The following OXTR variants were observed in gnomAD, a reference collection of about 807,000 sequenced individuals.
The protein encoded by OXTR is oxytocin receptor.
In OXTR, 19 loss-of-function variants were observed where a neutral mutation model predicts 23.9. The ratio of observed to expected loss-of-function variants is 0.80; its 90% CI spans 0.56 to 1.17. The LOEUF (loss-of-function observed/expected upper bound fraction) is 1.17. Ranked by LOEUF, OXTR falls within the 50% of genes most tolerant of loss-of-function variation. OXTR has a pLI of 0.00. For synonymous variants in OXTR, 278 were observed against 250.5 expected, an observed-to-expected ratio of 1.11 and a Z score of -1.04; for missense variants, 500 against 550.7, an observed-to-expected ratio of 0.91 and a Z score of 0.92.
chr3:8,768,554 C>T lies in OXTR; in HGVS notation c.-201G>A, dbSNP rs1708692523. 5.1e-6 allele frequency: 1 copy of T among 194,220 alleles called. No individual in the cohort carries two copies. Among genetic ancestry groups the T allele is most frequent in the Non-Finnish European group, 1.0e-5 (1 of 96,432 alleles). The allele number at this position is 194,220 out of a possible 1,614,324, so 12.0% of individuals were successfully genotyped here. A position where few individuals can be genotyped will look rare whatever the true frequency, so the allele number is the denominator to read the frequency against. ...TCTACCGGCCACAAGCCCAGAGCCC[C>T]CAGCGTGCCAGTTCCTCGGGATGTT... is the stretch of plus-strand genomic sequence containing the variant. On this transcript the variant is annotated 5_prime_UTR_variant, in exon 2 of 4. Transcript: ENST00000316793. The surrounding 1 kb of genome is among the most constrained non-coding windows in gnomAD (Gnocchi z 5.4).
chr3:8,756,650 C>T (rs1329218610), intron 3 of OXTR, among the ~76,000 whole-genome samples: 1 of 152,198 alleles, frequency 6.6e-6, no homozygotes, highest in Non-Finnish European at 1.5e-5. Context: ...GCTGTGGTGC[C>T]CCCTGAGTAC....
At chr3:8,758,889 T>A (rs1189828306) in intron 3 of OXTR, among the ~76,000 whole-genome samples, 1 of 152,178 alleles carries the variant, frequency 6.6e-6, no homozygotes, top group African/African-American at 2.4e-5. Context: ...AGGCCCTCCA[T>A]CCAATCTGGG....
intron 3 of OXTR, among the ~76,000 whole-genome samples, chr3:8,753,964 C>G (rs1043726670): frequency 3.3e-5 from 5 of 152,092 alleles, no homozygotes; most frequent in African/African-American, 1.2e-4. Context: ...CCAGGCAGAG[C>G]AGGGAAGAAA....
At position 8,767,708 on chromosome 3, in the gene OXTR, C is replaced by G. The variant is rs201448457; in HGVS notation, c.480G>C (p.Thr160=). The G allele has an allele frequency of 1.2e-6, 2 of 1,609,620 alleles. No homozygotes were observed. The highest frequency in any genetic ancestry group is 3.3e-5 in the Admixed American group (2 of 59,726). ...CGCTGGCCACCAGGCAGCCGAGCCA[C>G]GTGGCGAGCACTGCCAGGCGGTCGG... ...RRTDRLAVLA[T]WLGCLVASAP... Residue 160 remains threonine, a synonymous_variant, in exon 3 of 4, where the codon ACG becomes ACC. Coordinates refer to ENST00000316793, the MANE Select transcript of OXTR (RefSeq NM_000916.4).
intron 3 of OXTR, 103 bp downstream of exon 3, chr3:8,767,163 T>TC (rs1418720111): frequency 1.7e-6 from 2 of 1,166,392 alleles, no homozygotes; most frequent in Non-Finnish European, 2.3e-6. Flanking sequence ...AACCCGCTTA[T>TC]CCCCCAGGAA....
At chr3:8,760,982 T>A (rs58102519) in intron 3 of OXTR, among the ~76,000 whole-genome samples, 1 of 152,158 alleles carries the variant, frequency 6.6e-6, no homozygotes, top group Non-Finnish European at 1.5e-5. Flanking sequence ...TTTGGCAATG[T>A]CTGGAGACAG....
intron 3 of OXTR, among the ~76,000 whole-genome samples, chr3:8,764,801 G>A (rs1033610257): frequency 3.3e-5 from 5 of 152,164 alleles, no homozygotes; most frequent in Admixed American, 2.0e-4. Context: ...TTGGGGCAGC[G>A]GGGAGGTCCC....
At position 8,768,010 on chromosome 3, in the gene OXTR, C is replaced by T; in HGVS notation, c.178G>A (p.Val60Met). The change falls in exon 3 of 4, where the codon GTG becomes ATG. Residue 60 changes from valine to methionine, a missense_variant. Coordinates refer to ENST00000316793, the MANE Select transcript of OXTR (RefSeq NM_000916.4). The surrounding 1 kb of genome is among the most constrained non-coding windows in gnomAD (Gnocchi z 5.4). ...LLLALSGNAC[V>M]LLALRTTRQK... ...CGTGTGGTGCGCAGCGCCAGCAGCA[C>T]ACACGCGTTCCCGCTCAGCGCCAGG... is the stretch of plus-strand genomic sequence containing the variant. 1 of 1,609,398 alleles carries T rather than the reference C, an allele frequency of 6.2e-7. No individual in the cohort carries two copies. The highest frequency in any genetic ancestry group is 1.7e-5 in the Admixed American group (1 of 59,656).
intron 3 of OXTR, among the ~76,000 whole-genome samples, chr3:8,754,633 C>T (rs1221109062): frequency 1.3e-5 from 2 of 152,160 alleles, no homozygotes; most frequent in African/African-American, 4.8e-5. Flanking sequence ...TCTTCAAGCA[C>T]CAAGGGAAGA....
chr3:8,763,822 T>A (rs1453759294), intron 3 of OXTR, among the ~76,000 whole-genome samples: 1 of 152,210 alleles, frequency 6.6e-6, no homozygotes, highest in African/African-American at 2.4e-5. Flanking sequence ...TCTTTGGTTC[T>A]TATAACAACT....
chr3:8,769,449 G>A lies in OXTR; in HGVS notation c.-457C>T, dbSNP rs1449570146. 4 of 152,434 alleles carry A rather than the reference G, an allele frequency of 2.6e-5. No homozygotes were observed. Among genetic ancestry groups the A allele is most frequent in the African/African-American group, 9.6e-5 (4 of 41,592 alleles). 9.4% of individuals were successfully genotyped at this position (152,434 alleles called of 1,614,324 possible). A position where few individuals can be genotyped will look rare whatever the true frequency, so the allele number is the denominator to read the frequency against. ...TGGATGGGTACAGGAGGCGAGCGAGGAGCGCCTCCCAGGCTGCGCGCGCGG... is the reference window on the plus strand; with the variant it reads ...TGGATGGGTACAGGAGGCGAGCGAGAAGCGCCTCCCAGGCTGCGCGCGCGG... On this transcript the variant is annotated 5_prime_UTR_variant, in exon 1 of 4. Coordinates refer to ENST00000316793, the MANE Select transcript of OXTR (RefSeq NM_000916.4).
chr3:8,748,914 A>G (rs1407222078), downstream of OXTR, among the ~76,000 whole-genome samples: 2 of 152,236 alleles, frequency 1.3e-5, no homozygotes, highest in Non-Finnish European at 2.9e-5. Context: ...TAAAGAAATA[A>G]GCCTCAGAGT....
chr3:8,766,856 C>G lies in OXTR; in HGVS notation c.922+410G>C, dbSNP rs558039339. On this transcript the variant is annotated intron_variant, in intron 3 of 3. Transcript: ENST00000316793. ...GAACTTAAAGTTGAAGGAGCTTGAG[C>G]TTGGCCAGGGGTTCCAAACTTACCT... 2.0e-5 allele frequency among the ~76,000 whole-genome samples: 3 copies of G among 152,302 alleles called. No individual in the cohort carries two copies. The South Asian group carries it at 6.2e-4, about 32-fold the overall frequency.
At chr3:8,749,541 C>T (rs34955659), downstream of OXTR, among the ~76,000 whole-genome samples, 4,295 of 152,254 alleles carry the variant, frequency 0.028, 87 homozygotes, top group Non-Finnish European at 0.045. Flanking sequence ...CCCACTGCTG[C>T]TGCATTTGCA....
chr3:8,743,355 A>C, the OXTR span, among the ~76,000 whole-genome samples: 186 of 152,118 alleles, frequency 1.2e-3, 3 homozygotes, highest in African/African-American at 4.4e-3. Flanking sequence ...AGTGAATATG[A>C]CTTTTCCATC....
chr3:8,741,457 T>C, the OXTR span, among the ~76,000 whole-genome samples: 1 of 152,172 alleles, frequency 6.6e-6, no homozygotes, highest in Non-Finnish European at 1.5e-5. Context: ...TGGCAAAAGC[T>C]AAGCCTCTCA....
chr3:8,742,948 G>A, the OXTR span, among the ~76,000 whole-genome samples: 1 of 152,198 alleles, frequency 6.6e-6, no homozygotes, highest in Non-Finnish European at 1.5e-5. Flanking sequence ...GAAGCATGGT[G>A]CAGGCATCTG....
chr3:8,743,362 C>A, the OXTR span, among the ~76,000 whole-genome samples: 2 of 152,074 alleles, frequency 1.3e-5, no homozygotes, highest in African/African-American at 4.8e-5. Flanking sequence ...ATGACTTTTC[C>A]ATCCCTGTTC....
At position 8,768,154 on chromosome 3, in the gene OXTR, C is replaced by G. The variant is rs953558316; in HGVS notation, c.34G>C (p.Glu12Gln). Residue 12 changes from glutamate (E) to glutamine (Q), a missense_variant, in exon 3 of 4, where the codon GAG becomes CAG. Transcript: ENST00000316793. The surrounding 1 kb of genome is among the most constrained non-coding windows in gnomAD (Gnocchi z 5.4). ...GGCGCGGCGCTGGCGTTGGCTGCCT[C>G]GGCGCTCCAGTTGGCTGCGAGCGCG... is the stretch of plus-strand genomic sequence containing the variant. ...EGALAANWSAEAANASAAPPG... is the reference protein window; with the variant it reads ...EGALAANWSAQAANASAAPPG... 3 of 1,335,708 alleles carry G rather than the reference C, an allele frequency of 2.2e-6. No homozygotes were observed. The highest frequency in any genetic ancestry group is 1.5e-5 in the African/African-American group (1 of 64,832). The allele number at this position is 1,335,708 out of a possible 1,614,324, so 82.7% of individuals were successfully genotyped here.
Sources: gnomAD v4.1 joint callset for allele counts (sites outside exome capture counted in the v4.1 genomes callset) on GRCh38, gnomAD v4.1.1 for gene constraint, Gnocchi (gnomAD v3.1) non-coding constraint, MANE v1.5 for transcripts, NCBI Gene and HGNC (gene_info 2026-07-23, HGNC 2026-07-21) for gene names.